RIMS4: variants seen among roughly 807,000 people sequenced by gnomAD.
RIMS4 encodes the protein regulating synaptic membrane exocytosis protein 4.
RIMS4 carries 9 observed loss-of-function variants against 29.0 expected under a neutral mutation model. That is an observed-to-expected ratio of 0.31 (90% CI 0.19 to 0.54). RIMS4 has a LOEUF of 0.54. RIMS4 is among the 20% of genes least tolerant of loss of function. RIMS4 has a pLI of 0.94. For synonymous variants in RIMS4, 130 were observed against 152.9 expected (o/e 0.85, Z 1.10); for missense variants, 193 against 365.7 (o/e 0.53, Z 3.85).
At chr20:44,805,549 CA>C (rs1228513807) in intron 1 of RIMS4, among the ~76,000 whole-genome samples, 1 of 152,086 alleles carries the variant, frequency 6.6e-6, no homozygotes, top group African/African-American at 2.4e-5. Flanking sequence ...TTCAAAGCCG[CA>C]ACTTCATGCC....
Position 44,755,997 on chromosome 20 carries a change from G to A in RIMS4, c.*137C>T. The A allele has an allele frequency of 1.4e-6, 1 of 708,088 alleles. No individual in the cohort carries two copies. The highest frequency in any genetic ancestry group is 2.4e-6 in the Non-Finnish European group (1 of 415,142). 43.9% of individuals were successfully genotyped at this position (708,088 alleles called of 1,614,324 possible). ...AGGGGTGAGGAGGGGCCCAAGGGGG[G>A]GCAGGTCTCCCCGTTCTGCTTCCCC... On this transcript the variant is annotated 3_prime_UTR_variant, in exon 6 of 6. Transcript: ENST00000372851.
intron 1 of RIMS4, among the ~76,000 whole-genome samples, chr20:44,806,027 G>A (rs866405447): frequency 9.2e-5 from 14 of 152,242 alleles, no homozygotes; most frequent in African/African-American, 2.2e-4. Flanking sequence ...TGGTCTGAGC[G>A]GAAGAGGGTG....
intron 1 of RIMS4, among the ~76,000 whole-genome samples, chr20:44,808,600 G>GT (rs1251966762): frequency 3.3e-5 from 5 of 152,224 alleles, no homozygotes; most frequent in Middle Eastern, 3.4e-3. Context: ...AGCCTCAGTT[G>GT]TTTTTTTCTG....
chr20:44,759,116 T>C lies in RIMS4; in HGVS notation c.237-932A>G, dbSNP rs60990245. ...ATAATGTTCCCATCTCCTAGGTCTGTTGTATTAAGTGCGATGAGGCACTAA... is the reference window on the plus strand; with the variant it reads ...ATAATGTTCCCATCTCCTAGGTCTGCTGTATTAAGTGCGATGAGGCACTAA... On this transcript the variant is annotated intron_variant, in intron 2 of 5. Coordinates refer to ENST00000372851, the MANE Select transcript of RIMS4 (RefSeq NM_182970.4). Among the ~76,000 whole-genome samples the C allele has an allele frequency of 2.6e-3, 396 of 152,344 alleles. 3 individuals carry two copies. The highest frequency in any genetic ancestry group is 0.01 in the Middle Eastern group (3 of 294).
intron 1 of RIMS4, among the ~76,000 whole-genome samples, chr20:44,774,488 C>T (rs998634659): frequency 3.3e-5 from 5 of 152,094 alleles, no homozygotes; most frequent in Admixed American, 6.6e-5. Flanking sequence ...AGCCTCCCAG[C>T]GTGCATCTTC....
chr20:44,758,053 C>T lies in RIMS4; in HGVS notation c.349+19G>A. On this transcript the variant is annotated intron_variant, in intron 3 of 5. Coordinates refer to ENST00000372851, the MANE Select transcript of RIMS4 (RefSeq NM_182970.4). ...CCCAACTCCCCTAGTCCATTTGAAA[C>T]CAGCCTTGGGGCACTCACCCATGGG... 2 of 1,556,876 alleles carry T rather than the reference C, an allele frequency of 1.3e-6. No individual in the cohort carries two copies. The highest frequency in any genetic ancestry group is 1.8e-6 in the Non-Finnish European group (2 of 1,141,520).
intron 2 of RIMS4, among the ~76,000 whole-genome samples, chr20:44,760,326 C>T (rs1415838807): frequency 6.6e-6 from 1 of 152,172 alleles, no homozygotes; most frequent in Non-Finnish European, 1.5e-5. Context: ...GGGCAGAACA[C>T]TTTACAGAAA....
intron 1 of RIMS4, among the ~76,000 whole-genome samples, chr20:44,802,799 T>C (rs759007021): frequency 3.9e-5 from 6 of 152,204 alleles, no homozygotes; most frequent in East Asian, 1.9e-4. Context: ...AAGGCTGAGA[T>C]AATTTGCCCC....
chr20:44,756,242 C>T lies in RIMS4; in HGVS notation c.702G>A (p.Lys234=). 6.2e-7 allele frequency: 1 copy of T among 1,613,954 alleles called. No homozygotes were observed. Among genetic ancestry groups the T allele is most frequent in the Non-Finnish European group, 8.5e-7 (1 of 1,179,924 alleles). Residue 234 remains lysine (K), a synonymous_variant, in exon 6 of 6, where the codon AAG becomes AAA. Coordinates refer to ENST00000372851, the MANE Select transcript of RIMS4 (RefSeq NM_182970.4). The surrounding 1 kb of genome is among the most constrained non-coding windows in gnomAD (Gnocchi z 5.9). The stretch of plus-strand genomic sequence containing the variant: ...CCACCATGGAGGAGGTGGGGAAGAG[C>T]TTGTACCAGCCCACGGCCAGGGTGG... ...DLTTLAVGWY[K]LFPTSSMVDP...
chr20:44,759,258 T>G (rs1181412258), intron 2 of RIMS4, among the ~76,000 whole-genome samples: 1 of 145,606 alleles, frequency 6.9e-6, no homozygotes, highest in Non-Finnish European at 1.5e-5. Flanking sequence ...CTGGTTTTTG[T>G]TTTTTTTTTG....
intron 1 of RIMS4, among the ~76,000 whole-genome samples, chr20:44,788,181 G>A (rs2066216916): frequency 6.6e-6 from 1 of 152,142 alleles, no homozygotes; most frequent in Admixed American, 6.5e-5. Context: ...ACTTGCTCAA[G>A]GTCTCACAGC....
At chr20:44,783,605 C>G (rs1004388047) in intron 1 of RIMS4, among the ~76,000 whole-genome samples, 1 of 151,456 alleles carries the variant, frequency 6.6e-6, no homozygotes, top group Non-Finnish European at 1.5e-5. Flanking sequence ...GCCTGGTTGA[C>G]AGGGAGACCC....
chr20:44,809,539 C>T (rs2066313777), intron 1 of RIMS4, among the ~76,000 whole-genome samples: 1 of 151,950 alleles, frequency 6.6e-6, no homozygotes, highest in African/African-American at 2.4e-5. Context: ...GAGTTGGCGC[C>T]GCCCTACACC....
chr20:44,764,652 C>T (rs1323303656), intron 2 of RIMS4, among the ~76,000 whole-genome samples: 9 of 152,200 alleles, frequency 5.9e-5, no homozygotes, highest in Admixed American at 2.0e-4. Flanking sequence ...CTGAGGGTGC[C>T]GTGGATGTCT....
intron 1 of RIMS4, among the ~76,000 whole-genome samples, chr20:44,778,774 G>C (rs2066171324): frequency 6.6e-6 from 1 of 152,202 alleles, no homozygotes; most frequent in Admixed American, 6.5e-5. Context: ...ATGGTTAAAA[G>C]CATGGACAAT....
rs765344025 is a variant in RIMS4 at position 44,756,041 on chromosome 20, G to A, written c.*93C>T. ...CTTCCCCACTGTGGGGGAGAGCCCC[G>A]TCCTCCTGTTCAATGTGCCCCTGGG... On this transcript the variant is annotated 3_prime_UTR_variant, in exon 6 of 6. Transcript: ENST00000372851. The surrounding 1 kb of genome is among the most constrained non-coding windows in gnomAD (Gnocchi z 5.9). 196 of 1,004,848 alleles carry A rather than the reference G, an allele frequency of 2.0e-4. No homozygotes were observed. The highest frequency in any genetic ancestry group is 3.4e-4 in the Middle Eastern group (1 of 2,958). 62.2% of individuals were successfully genotyped at this position (1,004,848 alleles called of 1,614,324 possible). A position where few individuals can be genotyped will look rare whatever the true frequency, so the allele number is the denominator to read the frequency against.
rs2066055338 is a variant in RIMS4, at chr20:44,755,483, TTGGTCCCTGC to T, written c.*641_*650del. 2 of 152,816 alleles carry T rather than the reference TTGGTCCCTGC, an allele frequency of 1.3e-5. No individual in the cohort carries two copies. Among genetic ancestry groups the T allele is most frequent in the South Asian group, 4.1e-4 (2 of 4,828 alleles). The allele number at this position is 152,816 out of a possible 1,614,324, so 9.5% of individuals were successfully genotyped here. ...GGCCCCCGGCACCTCCTCCTTTCCT[TTGGTCCCTGC>T]TGAACCCCAATTCCTAGAGCCACCA... On this transcript the variant is annotated 3_prime_UTR_variant, in exon 6 of 6. Coordinates refer to ENST00000372851, the MANE Select transcript of RIMS4 (RefSeq NM_182970.4).
intron 1 of RIMS4, among the ~76,000 whole-genome samples, chr20:44,799,512 G>T (rs892101570): frequency 3.9e-5 from 6 of 152,144 alleles, no homozygotes; most frequent in African/African-American, 1.4e-4. Context: ...CTTGGTGTTG[G>T]GCCCAGGCTG....
chr20:44,802,035 A>T (rs1368287923), intron 1 of RIMS4, among the ~76,000 whole-genome samples: 3 of 152,112 alleles, frequency 2.0e-5, no homozygotes, highest in South Asian at 4.2e-4. Context: ...CCTGCCCCCA[A>T]ACTAAATAAA....
Sources: allele counts gnomAD v4.1 joint callset (sites outside exome capture counted in the v4.1 genomes callset), GRCh38; gene constraint gnomAD v4.1.1; non-coding constraint Gnocchi (gnomAD v3.1); transcripts MANE v1.5; gene names NCBI Gene and HGNC (gene_info 2026-07-23, HGNC 2026-07-21).